The following TMPRSS15 variants were observed in gnomAD, a reference collection of about 807,000 sequenced individuals.
The protein encoded by TMPRSS15 is transmembrane serine protease 15.
Under a neutral mutation model 125.3 loss-of-function variants are expected in TMPRSS15, and 128 were observed. That is an observed-to-expected ratio of 1.02 (90% CI 0.89 to 1.18). The LOEUF (loss-of-function observed/expected upper bound fraction) is 1.18. TMPRSS15 is among the 50% of genes most tolerant of loss of function. The probability of loss-of-function intolerance (pLI) is 0.00; values close to 1 mark genes in which losing one functional copy is unlikely to be tolerated. For missense variants in TMPRSS15, 1,283 were observed against 1,212.7 expected, an observed-to-expected ratio of 1.06 and a Z score of -0.86; for synonymous variants, 446 against 423.2, an observed-to-expected ratio of 1.05 and a Z score of -0.66.
At chr21:18,469,385 C>T (rs1978733179) in intron 1 of TMPRSS15, among the ~76,000 whole-genome samples, 1 of 151,996 alleles carries the variant, frequency 6.6e-6, no homozygotes, top group Non-Finnish European at 1.5e-5. Context: ...TGCCCTTGGC[C>T]TTCAGGCAAC....
intron 1 of TMPRSS15, among the ~76,000 whole-genome samples, chr21:18,452,268 C>A (rs1338086856): frequency 1.3e-5 from 2 of 152,048 alleles, no homozygotes; most frequent in Non-Finnish European, 2.9e-5. Flanking sequence ...AAATTAGCAC[C>A]ACAAAGGTTT....
At chr21:18,306,948 C>A (rs544270008) in intron 18 of TMPRSS15, among the ~76,000 whole-genome samples, 2 of 152,086 alleles carry the variant, frequency 1.3e-5, no homozygotes, top group African/African-American at 4.8e-5. Context: ...TGAAATAGGC[C>A]TCATAGGATT....
chr21:18,342,523 A>T (rs2075459293), intron 12 of TMPRSS15, among the ~76,000 whole-genome samples: 1 of 152,190 alleles, frequency 6.6e-6, no homozygotes, highest in Non-Finnish European at 1.5e-5. Flanking sequence ...AGCTGTGAGA[A>T]ACTGGATCCA....
At chr21:18,317,861 TCCCATC>T (rs2075187375) in intron 16 of TMPRSS15, among the ~76,000 whole-genome samples, 1 of 106,202 alleles carries the variant, frequency 9.4e-6, no homozygotes, top group Non-Finnish European at 1.8e-5. Flanking sequence ...TCCCATCCCA[TCCCATC>T]CCATCCCATC....
chr21:18,392,845 G>T (rs2076002003), intron 3 of TMPRSS15, among the ~76,000 whole-genome samples: 1 of 152,066 alleles, frequency 6.6e-6, no homozygotes, highest in South Asian at 2.1e-4. Flanking sequence ...AGAGAGAGTG[G>T]GGGAAACTGC....
chr21:18,278,993 A>G lies in TMPRSS15; in HGVS notation c.2735T>C (p.Ile912Thr). Reference sequence around the variant, plus strand: ...ATATACAACCGTCCCCCAACCAGCAATAGAACAATTTCTTCCTGGAGGAAA... The same window carrying G: ...ATATACAACCGTCCCCCAACCAGCAGTAGAACAATTTCTTCCTGGAGGAAA... ...QVFPPGRNCS[I>T]AGWGTVVYQG... Residue 912 changes from isoleucine (I) to threonine (T), a missense_variant, in exon 23 of 25, where the codon ATT (isoleucine) becomes ACT (threonine). Coordinates refer to ENST00000284885, the MANE Select transcript of TMPRSS15 (RefSeq NM_002772.3). 2 of 1,588,560 alleles carry G rather than the reference A, an allele frequency of 1.3e-6. No individual in the cohort carries two copies. The highest frequency in any genetic ancestry group is 1.7e-6 in the Non-Finnish European group (2 of 1,162,498).
chr21:18,365,635 T>TC (rs2075723810), intron 6 of TMPRSS15, among the ~76,000 whole-genome samples: 1 of 73,496 alleles, frequency 1.4e-5, no homozygotes, highest in East Asian at 5.1e-4. Context: ...TTTCTCTTTC[T>TC]CTCTCTTTTT....
At chr21:18,338,736 GAGAA>G (rs902082928) in intron 13 of TMPRSS15, among the ~76,000 whole-genome samples, 2 of 87,612 alleles carry the variant, frequency 2.3e-5, no homozygotes, top group African/African-American at 1.1e-4. Flanking sequence ...GATAAAGAGA[GAGAA>G]AGAGAGAGAG....
intron 24 of TMPRSS15, among the ~76,000 whole-genome samples, chr21:18,273,911 TTACA>T (rs1192145913): frequency 1.3e-5 from 2 of 152,196 alleles, no homozygotes; most frequent in Non-Finnish European, 2.9e-5. Flanking sequence ...ACTAGAGGAC[TTACA>T]TACAGATGAT....
At position 18,353,843 on chromosome 21, in the gene TMPRSS15, G is replaced by A; in HGVS notation, c.901C>T (p.Pro301Ser). ...ILRASIWETN[P>S]GTIRIFSNQV... ...TTGGAAAAAATTCTTATTGTGCCAG[G>A]ATTAGTTTCCCAAATAGAAGCTACA... The change falls in exon 9 of 25, where the codon CCT becomes TCT. Residue 301 changes from proline to serine, a missense_variant. By Grantham distance (74) the Pro-to-Ser change is moderately conservative. Transcript: ENST00000284885. The A allele has an allele frequency of 6.2e-7, 1 of 1,611,088 alleles. No homozygotes were observed. Among genetic ancestry groups the A allele is most frequent in the South Asian group, 1.1e-5 (1 of 91,032 alleles).
At chr21:18,400,112 G>A (rs1473541158) in intron 1 of TMPRSS15, among the ~76,000 whole-genome samples, 1 of 152,074 alleles carries the variant, frequency 6.6e-6, no homozygotes, top group Non-Finnish European at 1.5e-5. Flanking sequence ...CATGCTAATG[G>A]ATTGGAAGAA....
chr21:18,484,322 G>T (rs547900083), intron 1 of TMPRSS15, among the ~76,000 whole-genome samples: 1 of 151,766 alleles, frequency 6.6e-6, no homozygotes, highest in Non-Finnish European at 1.5e-5. Flanking sequence ...CTCCCACAGT[G>T]CCTTTTATCT....
chr21:18,326,678 C>T (rs986711612), intron 15 of TMPRSS15, 106 bp from the exon 16 acceptor site: 6 of 1,328,078 alleles, frequency 4.5e-6, no homozygotes, highest in East Asian at 4.7e-5. Context: ...CTACATGTTA[C>T]ATGGCTCGCT....
chr21:18,443,905 C>T (rs1349546434), intron 1 of TMPRSS15, among the ~76,000 whole-genome samples: 1 of 152,196 alleles, frequency 6.6e-6, no homozygotes, highest in East Asian at 1.9e-4. Flanking sequence ...GAAGCACCTG[C>T]ACAGCAAAGC....
chr21:18,444,550 G>A (rs2076250769), intron 1 of TMPRSS15, among the ~76,000 whole-genome samples: 1 of 152,054 alleles, frequency 6.6e-6, no homozygotes, highest in Non-Finnish European at 1.5e-5. Context: ...GGGTTGATGG[G>A]TGCAGCAAAC....
In TMPRSS15 at chr21:18,350,190, A is replaced by G. The variant is rs1206510467; in HGVS notation, c.1171+2713T>C. 2.0e-5 allele frequency among the ~76,000 whole-genome samples: 3 copies of G among 152,120 alleles called. No individual in the cohort carries two copies. In the South Asian group the frequency reaches 6.2e-4, roughly 32 times the overall value. ...GTAGGGGTTAGTTTTCAGCTGTGTAATTAGTGATTTTTCCATGGAGAATCA... is the reference window on the plus strand; with the variant it reads ...GTAGGGGTTAGTTTTCAGCTGTGTAGTTAGTGATTTTTCCATGGAGAATCA... On this transcript the variant is annotated intron_variant, in intron 10 of 24. Coordinates refer to ENST00000284885, the MANE Select transcript of TMPRSS15 (RefSeq NM_002772.3).
intron 1 of TMPRSS15, among the ~76,000 whole-genome samples, chr21:18,453,228 G>T (rs1042885720): frequency 2.0e-5 from 3 of 152,034 alleles, no homozygotes; most frequent in African/African-American, 4.8e-5. Context: ...TTTAAATCCA[G>T]GCATCTGGAT....
chr21:18,377,701 A>T (rs1601412181), intron 5 of TMPRSS15, among the ~76,000 whole-genome samples: 1 of 152,080 alleles, frequency 6.6e-6, no homozygotes, highest in Non-Finnish European at 1.5e-5. Context: ...TTCACTATCA[A>T]TTATACATAA....
At chr21:18,366,198 T>A (rs992356606) in intron 6 of TMPRSS15, among the ~76,000 whole-genome samples, 4 of 152,198 alleles carry the variant, frequency 2.6e-5, no homozygotes, top group African/African-American at 9.6e-5. Context: ...CTAGGTGAAT[T>A]TCAAATATAT....
Sources: gnomAD v4.1 joint callset for allele counts (sites outside exome capture counted in the v4.1 genomes callset) on GRCh38, gnomAD v4.1.1 for gene constraint, MANE v1.5 for transcripts, NCBI Gene and HGNC (gene_info 2026-07-23, HGNC 2026-07-21) for gene names.